The following CERS4 variants were observed in gnomAD, a reference collection of about 807,000 sequenced individuals.
CERS4 encodes the protein ceramide synthase 4.
A neutral mutation model predicts 51.8 loss-of-function variants in CERS4; 65 were observed. The ratio of observed to expected loss-of-function variants is 1.26; its 90% confidence interval spans 1.03 to 1.54. The LOEUF (loss-of-function observed/expected upper bound fraction) is 1.54. Among genes scored for constraint, CERS4 ranks in the 40% most tolerant of loss-of-function variants. The pLI is 0.00. For missense variants in CERS4, 563 were observed against 500.4 expected (o/e 1.13, Z -1.19); for synonymous variants, 228 against 208.4 (o/e 1.09, Z -0.81).
At chr19:8,236,069 A>G (rs1477947985) in intron 2 of CERS4, among the ~76,000 whole-genome samples, 1 of 151,912 alleles carries the variant, frequency 6.6e-6, no homozygotes, top group Non-Finnish European at 1.5e-5. Flanking sequence ...GGTGGCGGGC[A>G]CCTGTAGTCC....
intron 2 of CERS4, among the ~76,000 whole-genome samples, chr19:8,229,893 T>C (rs566690003): frequency 6.6e-6 from 1 of 151,992 alleles, no homozygotes; most frequent in Non-Finnish European, 1.5e-5. Context: ...GCTGTTGTTG[T>C]TGTTTTAATT....
At chr19:8,260,771 A>G (rs1370458953) in intron 10 of CERS4, among the ~76,000 whole-genome samples, 1 of 151,016 alleles carries the variant, frequency 6.6e-6, no homozygotes, top group Admixed American at 6.6e-5. Flanking sequence ...CCAACATGGC[A>G]AAAACCACCT....
rs753296307 is a variant in CERS4, at chr19:8,251,094, C to G, written c.18C>G (p.Asn6Lys). The G allele has an allele frequency of 6.2e-7, 1 of 1,604,036 alleles. No individual in the cohort carries two copies. Among genetic ancestry groups the G allele is most frequent in the Non-Finnish European group, 8.5e-7 (1 of 1,175,832 alleles). The change falls in exon 3 of 12, where the codon AAC becomes AAG. Residue 6 changes from asparagine (N) to lysine (K), a missense_variant. Physicochemically the swap from Asn to Lys is moderately conservative, Grantham distance 94. Transcript: ENST00000251363. ...TCCACAGAATGCTGTCCAGTTTCAA[C>G]GAGTGGTTTTGGCAGGACAGGTTCT... MLSSF[N>K]EWFWQDRFWL...
In CERS4 at chr19:8,236,477, A is replaced by G. The variant is rs919119013; in HGVS notation, c.-1-14599A>G. Among the ~76,000 whole-genome samples, 4 of 151,670 alleles carry G rather than the reference A, an allele frequency of 2.6e-5. No homozygotes were observed. The South Asian group carries it at 8.3e-4, about 31-fold the overall frequency. ...GAGGCCAAGGCAAGAGGAACGCTTG[A>G]GCCCAGCCTGGGCAACATGGTGAAA... is the stretch of plus-strand genomic sequence containing the variant. On this transcript the variant is annotated intron_variant, in intron 2 of 11. Transcript: ENST00000251363.
In CERS4 at chr19:8,255,669, C is replaced by T; in HGVS notation, c.354C>T (p.Phe118=). 6.2e-7 allele frequency: 1 copy of T among 1,613,014 alleles called. No individual in the cohort carries two copies. The highest frequency in any genetic ancestry group is 8.5e-7 in the Non-Finnish European group (1 of 1,179,838). ...CGCTGCAGCAGACCCAGCGATGGTT[C>T]CGGAGACGCCGGAACCAGGATCGAC... is the stretch of plus-strand genomic sequence containing the variant. ...GLTLQQTQRW[F]RRRRNQDRPQ... Residue 118 remains phenylalanine (F), a synonymous_variant, in exon 5 of 12, where the codon TTC becomes TTT. Transcript: ENST00000251363.
intron 10 of CERS4, among the ~76,000 whole-genome samples, chr19:8,258,473 C>G (rs1969513024): frequency 6.6e-6 from 1 of 152,148 alleles, no homozygotes; most frequent in Non-Finnish European, 1.5e-5. Context: ...CTTTGGGAGG[C>G]TGAGGCGGGC....
intron 2 of CERS4, among the ~76,000 whole-genome samples, 181 bp downstream of exon 2, chr19:8,211,043 G>A (rs781276888): frequency 4.6e-5 from 7 of 152,050 alleles, no homozygotes; most frequent in Non-Finnish European, 5.9e-5. Flanking sequence ...CTCGGTGGCA[G>A]CCACACCCCT....
At chr19:8,258,431 G>A (rs1005949757) in intron 10 of CERS4, among the ~76,000 whole-genome samples, 9 of 152,186 alleles carry the variant, frequency 5.9e-5, no homozygotes, top group East Asian at 1.9e-4. Context: ...TTGACGGGCC[G>A]GGCGTGGTAG....
intron 2 of CERS4, among the ~76,000 whole-genome samples, chr19:8,211,890 CAAAAAAA>C (rs57231018): frequency 1.7e-3 from 128 of 75,530 alleles, no homozygotes; most frequent in African/African-American, 3.1e-3. Flanking sequence ...AGACTATCTC[CAAAAAAA>C]AAAAAAAAAA....
intron 2 of CERS4, among the ~76,000 whole-genome samples, chr19:8,229,257 G>A (rs1385670537): frequency 6.6e-6 from 1 of 152,104 alleles, no homozygotes; most frequent in African/African-American, 2.4e-5. Context: ...CCCAGGAAGT[G>A]GAGGCTGCAG....
At chr19:8,261,378 C>A in intron 10 of CERS4, 1 of 361,514 alleles carries the variant, frequency 2.8e-6, no homozygotes, top group Admixed American at 4.0e-5. Context: ...TGATGGGGGT[C>A]TGAGGAGTAG....
intron 2 of CERS4, among the ~76,000 whole-genome samples, chr19:8,228,082 G>A (rs571588381): frequency 6.6e-5 from 10 of 152,016 alleles, no homozygotes; most frequent in African/African-American, 2.4e-4. Flanking sequence ...GGATGGTCTC[G>A]ATCTCTTGAC....
chr19:8,253,595 G>C (rs1282523494), intron 3 of CERS4, among the ~76,000 whole-genome samples: 2 of 151,654 alleles, frequency 1.3e-5, no homozygotes, highest in African/African-American at 4.8e-5. Context: ...CTCCCAAATA[G>C]CTGGGGCTAC....
In CERS4 at chr19:8,251,394, C is replaced by T. The variant is rs754134774; in HGVS notation, c.173+145C>T. 1.5e-4 allele frequency: 209 copies of T among 1,364,934 alleles called. 2 individuals carry two copies. In the Middle Eastern group the frequency reaches 1.9e-3, roughly 12 times the overall value. 84.6% of individuals were successfully genotyped at this position (1,364,934 alleles called of 1,614,324 possible). A position where few individuals can be genotyped will look rare whatever the true frequency, so the allele number is the denominator to read the frequency against. ...GCGTTCCCTGGCTCCAGCCTGCCCC[C>T]AGCCGCCACCACCCACACTTCTGGC... On this transcript the variant is annotated intron_variant, in intron 3 of 11. Transcript: ENST00000251363.
intron 3 of CERS4, among the ~76,000 whole-genome samples, chr19:8,253,303 C>G (rs1969186022): frequency 6.6e-6 from 1 of 152,218 alleles, no homozygotes; most frequent in Non-Finnish European, 1.5e-5. Flanking sequence ...AGCCCCTAGA[C>G]TGGCGGGGGG....
At position 8,257,053 on chromosome 19, in the gene CERS4, C is replaced by CG. The variant is rs1277304449; in HGVS notation, c.718dup (p.Asp240GlyfsTer4). The CG allele has an allele frequency of 1.9e-6, 3 of 1,608,388 alleles. No homozygotes were observed. In the Admixed American group the frequency reaches 5.0e-5, roughly 27 times the overall value. The stretch of plus-strand genomic sequence containing the variant: ...TTGGCTCTCTGGTGCTGCTGTTACA[C>CG]GATTCCTCTGACTACCTGCTGGAGG... On this transcript the variant is annotated frameshift_variant, in exon 9 of 12. Coordinates refer to ENST00000251363, the MANE Select transcript of CERS4 (RefSeq NM_024552.3). LOFTEE classifies it high-confidence loss of function.
At position 8,256,278 on chromosome 19, in the gene CERS4, C is replaced by G; in HGVS notation, c.511C>G (p.Pro171Ala). 8 of 1,613,544 alleles carry G rather than the reference C, an allele frequency of 5.0e-6. No homozygotes were observed. The highest frequency in any genetic ancestry group is 6.8e-6 in the Non-Finnish European group (8 of 1,179,794). ...WAPVMCWDRY[P>A]NQTLKPSLYW... ...ACCAGTAATGTGCTGGGACAGGTAC[C>G]CAAACCAGGTGAGTGGCAGAGTGTG... is the stretch of plus-strand genomic sequence containing the variant. The change falls in exon 7 of 12, where the codon CCA becomes GCA. Residue 171 changes from proline to alanine, a missense_variant. Physicochemically the swap from Pro to Ala is conservative, Grantham distance 27. Transcript: ENST00000251363.
At chr19:8,220,973 C>A (rs1356161680) in intron 2 of CERS4, among the ~76,000 whole-genome samples, 1 of 152,002 alleles carries the variant, frequency 6.6e-6, no homozygotes, top group East Asian at 1.9e-4. Context: ...AGGCGCCCGC[C>A]ACGGTGCCTG....
chr19:8,231,850 C>CCTTTTTTTTTTTTTTTT (rs1568509577), intron 2 of CERS4, among the ~76,000 whole-genome samples: 1 of 71,256 alleles, frequency 1.4e-5, no homozygotes, highest in African/African-American at 6.0e-5. Context: ...CTGTGCCCAG[C>CCTTTTTTTTTTTTTTTT]ATTTTTTTTT....
Sources: gnomAD v4.1 joint callset for allele counts (sites outside exome capture counted in the v4.1 genomes callset) on GRCh38, gnomAD v4.1.1 for gene constraint, MANE v1.5 for transcripts, NCBI Gene and HGNC (gene_info 2026-07-23, HGNC 2026-07-21) for gene names.